The following BMI1 variants were observed in gnomAD, a reference collection of about 807,000 sequenced individuals.
BMI1 encodes BMI1 proto-oncogene, polycomb ring finger.
In BMI1, 9 loss-of-function variants were observed where a neutral mutation model predicts 39.1. That is an observed-to-expected ratio of 0.23 (90% CI 0.14 to 0.40). BMI1 has a LOEUF of 0.40. Ranked by LOEUF, BMI1 falls within the 10% of genes least tolerant of loss-of-function variation. The pLI is 1.00. For synonymous variants in BMI1, 131 were observed against 127.9 expected (o/e 1.02, Z -0.16); for missense variants, 252 against 390.8 (o/e 0.64, Z 2.99).
chr10:22,325,255 G>A (rs1285359068), intron 1 of BMI1, among the ~76,000 whole-genome samples: 1 of 152,202 alleles, frequency 6.6e-6, no homozygotes, highest in Non-Finnish European at 1.5e-5. Flanking sequence ...TGCAATTTGA[G>A]CCCTGACGGT....
At chr10:22,326,358 T>C in intron 1 of BMI1, 73 bp from the exon 2 acceptor site, 7 of 1,581,936 alleles carry the variant, frequency 4.4e-6, no homozygotes, top group Non-Finnish European at 6.0e-6. Flanking sequence ...ATTCAGTGTT[T>C]CAGGGTTTGT....
chr10:22,327,751 A>G lies in BMI1; in HGVS notation c.275A>G (p.Lys92Arg). 1 of 1,613,442 alleles carries G rather than the reference A, an allele frequency of 6.2e-7. No homozygotes were observed. Among genetic ancestry groups the G allele is most frequent in the Non-Finnish European group, 8.5e-7 (1 of 1,179,630 alleles). ...TTTTTTCCCCATTCAGATGAAATGA[A>G]GAGAAGAAGGGATTTTTATGCAGCT... The part of the protein sequence containing the change: ...LVPGLFKNEM[K>R]RRRDFYAAHP... The change falls in exon 5 of 10, where the codon AAG (lysine) becomes AGG (arginine). Residue 92 changes from lysine (K) to arginine (R), a missense_variant. Coordinates refer to ENST00000376663, the MANE Select transcript of BMI1 (RefSeq NM_005180.9).
chr10:22,326,634 A>G (rs1234562748), intron 2 of BMI1, 73 bp downstream of exon 2: 10 of 1,568,038 alleles, frequency 6.4e-6, no homozygotes, highest in South Asian at 1.2e-5. Flanking sequence ...GAAAACTGTT[A>G]ATGATTCCTG....
rs1379674778 is a variant in BMI1 at position 22,330,032 on chromosome 10, T to C, written c.*490T>C. On this transcript the variant is annotated 3_prime_UTR_variant, in exon 10 of 10. Transcript: ENST00000376663. ...TTCTATGTAGCCATGTCACTGTGAA[T>C]AACGATTTCTTGCATATTTAGCCAT... 1 of 153,524 alleles carries C rather than the reference T, an allele frequency of 6.5e-6. No individual in the cohort carries two copies. The highest frequency in any genetic ancestry group is 1.5e-5 in the Non-Finnish European group (1 of 68,680). The allele number at this position is 153,524 out of a possible 1,614,324, so 9.5% of individuals were successfully genotyped here. A position where few individuals can be genotyped will look rare whatever the true frequency, so the allele number is the denominator to read the frequency against.
In BMI1 at chr10:22,329,440, G is replaced by A. The variant is rs749504587; in HGVS notation, c.879G>A (p.Met293Ile). ...HPQFPHISST[M>I]NGTSNSPSGN... The stretch of plus-strand genomic sequence containing the variant: ...AGTTTCCTCACATTTCCAGTACTAT[G>A]AATGGAACCAGCAACAGCCCCAGCG... The change falls in exon 10 of 10, where the codon ATG becomes ATA. Residue 293 changes from methionine to isoleucine, a missense_variant. Met to Ile is a conservative substitution (Grantham distance 10). Transcript: ENST00000376663. 5 of 1,614,072 alleles carry A rather than the reference G, an allele frequency of 3.1e-6. No homozygotes were observed. The highest frequency in any genetic ancestry group is 4.2e-6 in the Non-Finnish European group (5 of 1,180,038).
chr10:22,328,810 G>A, intron 8 of BMI1, 112 bp downstream of exon 8: 1 of 1,181,438 alleles, frequency 8.5e-7, no homozygotes, highest in Non-Finnish European at 1.2e-6. Flanking sequence ...TGTGAAGTTA[G>A]TGCTAAAGTT....
chr10:22,325,580 A>ACCCCGCCCCCGCGCCGG (rs1223745199), intron 1 of BMI1: 1 of 11,390 alleles, frequency 8.8e-5, no homozygotes, highest in Admixed American at 8.7e-4. Flanking sequence ...CGCCGCACCC[A>ACCCCGCCCCCGCGCCGG]CCCCGCCCCC....
Position 22,326,951 on chromosome 10 carries a change from C to T in BMI1, c.174C>T (p.Val58=), listed in dbSNP as rs141514745. 1.2e-6 allele frequency: 2 copies of T among 1,613,984 alleles called. No homozygotes were observed. The highest frequency in any genetic ancestry group is 1.7e-5 in the Admixed American group (1 of 60,028). ...ETSKYCPICD[V]QVHKTRPLLN... ...GCAAGTATTGTCCTATTTGTGATGT[C>T]CAAGTTCACAAGACCAGACCACTAC... The change falls in exon 3 of 10, where the codon GTC becomes GTT. Residue 58 remains valine (V), a synonymous_variant. Transcript: ENST00000376663.
At chr10:22,325,393 GAA>G (rs1023191686) in intron 1 of BMI1, among the ~76,000 whole-genome samples, 2 of 152,198 alleles carry the variant, frequency 1.3e-5, no homozygotes, top group Admixed American at 1.3e-4. Flanking sequence ...AAGTCGACGT[GAA>G]AAGAGGCCCC....
At position 22,329,323 on chromosome 10, in the gene BMI1, G is replaced by A; in HGVS notation, c.762G>A (p.Gly254=). 6.2e-7 allele frequency: 1 copy of A among 1,614,150 alleles called. No individual in the cohort carries two copies. The highest frequency in any genetic ancestry group is 1.1e-5 in the South Asian group (1 of 91,086). Residue 254 remains glycine (G), a synonymous_variant, in exon 10 of 10, where the codon GGG becomes GGA. Transcript: ENST00000376663. ...CTGGAGAACTGGAAAGTGACTCTGG[G>A]AGTGACAAGGCCAACAGCCCAGCAG... ...TNAGELESDS[G]SDKANSPAGG...
At chr10:22,331,538 CAA>C (rs1238408419), downstream of BMI1, 5 of 151,922 alleles carry the variant, frequency 3.3e-5, no homozygotes, top group Non-Finnish European at 7.4e-5. Context: ...ATGTTTAAGA[CAA>C]AGAAAAGTTA....
chr10:22,327,787 C>A lies in BMI1; in HGVS notation c.311C>A (p.Ala104Asp). Residue 104 changes from alanine (A) to aspartate (D), a missense_variant, in exon 5 of 10, where the codon GCT (alanine) becomes GAT (aspartate). Transcript: ENST00000376663. ...RRDFYAAHPS[A>D]DAANGSNEDR... ...GATTTTTATGCAGCTCATCCTTCTG[C>A]TGATGGTAAACCTTTTAGGGGAGGG... 1 of 1,613,294 alleles carries A rather than the reference C, an allele frequency of 6.2e-7. No individual in the cohort carries two copies. The highest frequency in any genetic ancestry group is 1.1e-5 in the South Asian group (1 of 91,054).
chr10:22,324,832 C>T (rs1359074965), intron 1 of BMI1, among the ~76,000 whole-genome samples: 1 of 152,230 alleles, frequency 6.6e-6, no homozygotes, highest in East Asian at 1.9e-4. Context: ...GAATACTACA[C>T]GAAGTATTTG....
chr10:22,326,677 A>C, intron 2 of BMI1, 116 bp downstream of exon 2: 2 of 1,488,166 alleles, frequency 1.3e-6, no homozygotes, highest in Non-Finnish European at 9.0e-7. Flanking sequence ...AAAGTGGTGA[A>C]GGCATTTTCT....
chr10:22,322,687 ACTT>A (rs1264125140), intron 1 of BMI1, among the ~76,000 whole-genome samples: 24 of 151,964 alleles, frequency 1.6e-4, no homozygotes, highest in Non-Finnish European at 4.4e-5. Flanking sequence ...TTTTCTCTCG[ACTT>A]CTACTAAAGG....
chr10:22,326,598 G>A lies in BMI1; in HGVS notation c.112+37G>A, dbSNP rs761768642. On this transcript the variant is annotated intron_variant, in intron 2 of 9. Transcript: ENST00000376663. ...GCTTTAGCTCTCTTTTGTATCATGCGTATTTCACAGTTCGACCTGGAATTT... is the reference window on the plus strand; with the variant it reads ...GCTTTAGCTCTCTTTTGTATCATGCATATTTCACAGTTCGACCTGGAATTT... The A allele has an allele frequency of 3.8e-6, 6 of 1,596,220 alleles. No individual in the cohort carries two copies. In the African/African-American group the frequency reaches 6.8e-5, roughly 18 times the overall value.
chr10:22,328,813 C>T, intron 8 of BMI1, 115 bp downstream of exon 8: 1 of 1,156,564 alleles, frequency 8.6e-7, no homozygotes, highest in South Asian at 1.8e-5. Flanking sequence ...GAAGTTAGTG[C>T]TAAAGTTGAA....
chr10:22,327,555 C>T (rs760711068), intron 3 of BMI1, 40 bp from the exon 4 acceptor site: 3 of 1,541,674 alleles, frequency 1.9e-6, no homozygotes, highest in Middle Eastern at 2.2e-4. Flanking sequence ...TTAGTTCTTG[C>T]CATCTGAATT....
At chr10:22,324,431 C>T (rs1836081612) in intron 1 of BMI1, among the ~76,000 whole-genome samples, 2 of 152,186 alleles carry the variant, frequency 1.3e-5, no homozygotes, top group Admixed American at 1.3e-4. Flanking sequence ...CTCCGTGCCC[C>T]GCTTAGATTT....
Sources: allele counts gnomAD v4.1 joint callset (sites outside exome capture counted in the v4.1 genomes callset), GRCh38; gene constraint gnomAD v4.1.1; transcripts MANE v1.5; gene names NCBI Gene and HGNC (gene_info 2026-07-23, HGNC 2026-07-21).